Variants in DMKN observed in about 807,000 individuals in gnomAD.
DMKN encodes epidermis-specific secreted protein SK30/SK89.
DMKN carries 58 observed loss-of-function variants against 67.6 expected under a neutral mutation model. The ratio of observed to expected loss-of-function variants is 0.86; its 90% CI spans 0.69 to 1.07. The LOEUF is 1.07. DMKN is among the 50% of genes least tolerant of loss of function. DMKN has a pLI of 0.00. For missense variants in DMKN, 596 were observed against 601.5 expected (o/e 0.99, Z 0.10); for synonymous variants, 240 against 232.3 (o/e 1.03, Z -0.30).
chr19:35,502,929 C>T (rs771230741), intron 9 of DMKN, 43 bp from the exon 10 acceptor site: 2 of 1,581,468 alleles, frequency 1.3e-6, no homozygotes, highest in Admixed American at 3.5e-5. Context: ...AGAGCCTGGG[C>T]CCACTCACCC....
In DMKN at chr19:35,510,240, C is replaced by T. The variant is rs754138623; in HGVS notation, c.931G>A (p.Gly311Ser). 1.2e-6 allele frequency: 2 copies of T among 1,605,822 alleles called. No individual in the cohort carries two copies. The highest frequency in any genetic ancestry group is 1.7e-6 in the Non-Finnish European group (2 of 1,176,254). The part of the protein sequence containing the change: ...GSESSWGSST[G>S]SSSGNHGGSG... Reference sequence around the variant, plus strand: ...CCACCGTGGTTGCCGGAGGAGGAGCCGGTGCTGGATCCCTGCAGGGGAAAG... The same window carrying T: ...CCACCGTGGTTGCCGGAGGAGGAGCTGGTGCTGGATCCCTGCAGGGGAAAG... Residue 311 changes from glycine (G) to serine (S), a missense_variant, in exon 6 of 16, where the codon GGC becomes AGC. By Grantham distance (56) the Gly-to-Ser change is moderately conservative. Transcript: ENST00000339686.
rs761196911 is a variant in DMKN at position 35,502,920 on chromosome 19, G to C, written c.1135-34C>G. 9 of 1,605,610 alleles carry C rather than the reference G, an allele frequency of 5.6e-6. No homozygotes were observed. The East Asian group carries it at 1.3e-4, about 24-fold the overall frequency. ...GAAAGGCGGGGAGCAGGTTAGCAGA[G>C]AGCCTGGGCCCACTCACCCACCCCT... is the stretch of plus-strand genomic sequence containing the variant. On this transcript the variant is annotated intron_variant, in intron 9 of 15. Coordinates refer to ENST00000339686, the MANE Select transcript of DMKN (RefSeq NM_033317.5).
intron 9 of DMKN, 71 bp downstream of exon 9, chr19:35,505,647 C>T: frequency 6.2e-7 from 1 of 1,600,214 alleles, no homozygotes; most frequent in Non-Finnish European, 8.6e-7. Context: ...ATCACTGTTT[C>T]CCCAGCTCAC....
intron 5 of DMKN, chr19:35,510,579 G>C: frequency 6.6e-7 from 1 of 1,510,148 alleles, no homozygotes; most frequent in Non-Finnish European, 8.8e-7. Context: ...AAGTGGAAGG[G>C]ACCCTAGAGC....
At chr19:35,502,996 T>C in intron 9 of DMKN, 110 bp from the exon 10 acceptor site, 2 of 1,277,444 alleles carry the variant, frequency 1.6e-6, no homozygotes, top group Non-Finnish European at 2.2e-6. Flanking sequence ...GTGACTAAGG[T>C]TGGGGATGGG....
rs2070827378 is a variant in DMKN, at chr19:35,511,550, T to TTGCTGCCACTGCCAC, written c.764_778dup (p.Ser255_Ser259dup). 1 of 1,584,910 alleles carries TTGCTGCCACTGCCAC rather than the reference T, an allele frequency of 6.3e-7. No homozygotes were observed. Among genetic ancestry groups the TTGCTGCCACTGCCAC allele is most frequent in the African/African-American group, 1.4e-5 (1 of 70,984 alleles). ...GCTGCTGCCATTGTTGTTGTCACCA[T>TTGCTGCCACTGCCAC]TGCTGCCACTGCCACTGCTGCCCGA... On this transcript the variant is annotated inframe_insertion, in exon 5 of 16. Transcript: ENST00000339686.
Position 35,499,943 on chromosome 19 carries a change from G to A in DMKN, c.1359+15C>T. On this transcript the variant is annotated intron_variant, in intron 13 of 15. Coordinates refer to ENST00000339686, the MANE Select transcript of DMKN (RefSeq NM_033317.5). ...AGAGCCCCCAGCGGGAAGACAGGGT[G>A]GTTGCCGGTCTCACCTTTGCAGGGG... The A allele has an allele frequency of 6.2e-7, 1 of 1,613,630 alleles. No homozygotes were observed. Among genetic ancestry groups the A allele is most frequent in the Admixed American group, 1.7e-5 (1 of 60,010 alleles).
intron 4 of DMKN, 51 bp from the exon 5 acceptor site, chr19:35,511,644 C>CGTCTT: frequency 6.3e-7 from 1 of 1,596,444 alleles, no homozygotes; most frequent in East Asian, 2.2e-5. Context: ...AGCACCAAGA[C>CGTCTT]GGGCCCCTCC....
In DMKN at chr19:35,498,778, G is replaced by A; in HGVS notation, c.1384-15C>T. 6.2e-7 allele frequency: 1 copy of A among 1,614,230 alleles called. No homozygotes were observed. Among genetic ancestry groups the A allele is most frequent in the South Asian group, 1.1e-5 (1 of 91,082 alleles). On this transcript the variant is annotated splice_polypyrimidine_tract_variant and intron_variant, in intron 14 of 15. Transcript: ENST00000339686. ...ACCCGGGAAGCCTGCCAGAAAAAGA[G>A]AAAGTCTGAGTGGCCACCACAGGGT...
rs770680745 is a variant in DMKN, at chr19:35,511,510, G to GCTGCTGCCACCA, written c.807_818dup (p.Gly270_Ser273dup). The GCTGCTGCCACCA allele has an allele frequency of 6.4e-6, 7 of 1,098,050 alleles. No individual in the cohort carries two copies. The highest frequency in any genetic ancestry group is 8.3e-6 in the Non-Finnish European group (7 of 846,514). The allele number at this position is 1,098,050 out of a possible 1,614,324, so 68.0% of individuals were successfully genotyped here. A position where few individuals can be genotyped will look rare whatever the true frequency, so the allele number is the denominator to read the frequency against. On this transcript the variant is annotated inframe_insertion, in exon 5 of 16. Coordinates refer to ENST00000339686, the MANE Select transcript of DMKN (RefSeq NM_033317.5). ...TGCTGCCGCCACTGCTGCTGCCACT[G>GCTGCTGCCACCA]CTGCTGCCACCACTGCTGCTGCCAT... is the stretch of plus-strand genomic sequence containing the variant.
intron 7 of DMKN, chr19:35,507,340 G>A: frequency 2.0e-6 from 2 of 999,216 alleles, no homozygotes; most frequent in Admixed American, 2.2e-5. Context: ...ATGGTCACTG[G>A]ACGCAGATTC....
intron 9 of DMKN, chr19:35,503,288 G>A (rs2145951251): frequency 1.3e-6 from 2 of 1,507,562 alleles, no homozygotes; most frequent in South Asian, 2.6e-5. Flanking sequence ...CGTAAGAAAG[G>A]AGCAGAGGCC....
At position 35,512,704 on chromosome 19, in the gene DMKN, C is replaced by T. The variant is rs190013747; in HGVS notation, c.513G>A (p.Pro171=). 2.5e-6 allele frequency: 4 copies of T among 1,614,200 alleles called. No individual in the cohort carries two copies. The highest frequency in any genetic ancestry group is 3.4e-6 in the Non-Finnish European group (4 of 1,180,028). The change falls in exon 2 of 16, where the codon CCG becomes CCA. Residue 171 remains proline (P), a synonymous_variant. Coordinates refer to ENST00000339686, the MANE Select transcript of DMKN (RefSeq NM_033317.5). The part of the protein sequence containing the change: ...GQGNPGGLGT[P]WVHGYPGNSA... ...AGTTTCCGGGGTATCCGTGGACCCA[C>T]GGAGTCCCCAGACCTCCAGGATTGC...
intron 15 of DMKN, chr19:35,498,414 G>T: frequency 4.4e-6 from 2 of 459,736 alleles, no homozygotes; most frequent in East Asian, 4.0e-5. Flanking sequence ...TTGCTATATT[G>T]CCCAGTCTGG....
rs760671405 is a variant in DMKN at position 35,513,491 on chromosome 19, T to C, written c.-16A>G. The C allele has an allele frequency of 6.3e-7, 1 of 1,585,870 alleles. No homozygotes were observed. Among genetic ancestry groups the C allele is most frequent in the South Asian group, 1.1e-5 (1 of 89,282 alleles). ...GGAACTTCATCTCTGCCCAGCCCCC[T>C]CTCTCTCCAGAGTGTCTTCCTCCCA... is the stretch of plus-strand genomic sequence containing the variant. On this transcript the variant is annotated 5_prime_UTR_variant, in exon 1 of 16. Coordinates refer to ENST00000339686, the MANE Select transcript of DMKN (RefSeq NM_033317.5).
Position 35,498,906 on chromosome 19 carries a change from A to G in DMKN, c.1360-9T>C. 2 of 1,614,128 alleles carry G rather than the reference A, an allele frequency of 1.2e-6. No individual in the cohort carries two copies. The highest frequency in any genetic ancestry group is 1.7e-6 in the Non-Finnish European group (2 of 1,180,012). On this transcript the variant is annotated splice_polypyrimidine_tract_variant and intron_variant, in intron 13 of 15. Coordinates refer to ENST00000339686, the MANE Select transcript of DMKN (RefSeq NM_033317.5). ...GAAGGTGAGACTCCCCCCTGCAAAA[A>G]GATCAAAGGAAAGTGATGTGGGGTC...
chr19:35,507,925 T>TA (rs988072366), intron 7 of DMKN: 12 of 460,870 alleles, frequency 2.6e-5, no homozygotes, highest in African/African-American at 6.0e-5. Context: ...TTGGCATTAG[T>TA]AAAAAAAGGA....
intron 3 of DMKN, 84 bp from the exon 4 acceptor site, chr19:35,511,897 C>G: frequency 1.4e-6 from 2 of 1,440,598 alleles, no homozygotes; most frequent in South Asian, 1.4e-5. Flanking sequence ...CAGGCCTCTC[C>G]CATTCTTTGG....
rs572153381 is a variant in DMKN, at chr19:35,506,359, C to T, written c.1039-373G>A. 3 of 664,894 alleles carry T rather than the reference C, an allele frequency of 4.5e-6. No homozygotes were observed. In the South Asian group the frequency reaches 5.6e-5, roughly 12 times the overall value. 41.2% of individuals were successfully genotyped at this position (664,894 alleles called of 1,614,324 possible). A position where few individuals can be genotyped will look rare whatever the true frequency, so the allele number is the denominator to read the frequency against. Reference sequence around the variant, plus strand: ...GCACCAAAAAGTTCACTTGGGAAAGCTTTCTTAGAATGGATTGCTCCCATG... The same window carrying T: ...GCACCAAAAAGTTCACTTGGGAAAGTTTTCTTAGAATGGATTGCTCCCATG... On this transcript the variant is annotated intron_variant, in intron 7 of 15. Coordinates refer to ENST00000339686, the MANE Select transcript of DMKN (RefSeq NM_033317.5).
Sources: allele counts gnomAD v4.1 joint callset, GRCh38; gene constraint gnomAD v4.1.1; transcripts MANE v1.5; gene names NCBI Gene and HGNC (gene_info 2026-07-23, HGNC 2026-07-21).